The following ABCA6 variants were observed in gnomAD, a reference collection of about 807,000 sequenced individuals.
ABCA6 encodes ATP binding cassette subfamily A member 6, also known as ATP-binding cassette sub-family A member 6.
ABCA6 carries 164 observed loss-of-function variants against 191.2 expected under a neutral mutation model. The observed-to-expected ratio is 0.86, with a 90% CI of 0.76 to 0.98. The LOEUF (loss-of-function observed/expected upper bound fraction) is 0.98, where lower values mean the gene tolerates loss of function less well. ABCA6 is among the 50% of genes least tolerant of loss of function. The pLI is 0.00. For missense variants in ABCA6, 1,958 were observed against 1,894.1 expected, an observed-to-expected ratio of 1.03 and a Z score of -0.63; for synonymous variants, 636 against 647.7, an observed-to-expected ratio of 0.98 and a Z score of 0.27.
At chr17:69,139,884 G>A (rs1370294126) in intron 2 of ABCA6, among the ~76,000 whole-genome samples, 2 of 149,358 alleles carry the variant, frequency 1.3e-5, no homozygotes, top group Admixed American at 1.3e-4. Context: ...ACTCATAGAT[G>A]GCAATTGAAC....
Position 69,083,014 on chromosome 17 carries a change from C to T in ABCA6, c.4476-1G>A, listed in dbSNP as rs776952954. 4.3e-6 allele frequency: 7 copies of T among 1,613,916 alleles called. No individual in the cohort carries two copies. The highest frequency in any genetic ancestry group is 1.7e-4 in the Middle Eastern group (1 of 6,060). The stretch of plus-strand genomic sequence containing the variant: ...CAGGTGTTGGATGGAGCCAATGCAT[C>T]TATGGGCAAGAAAGAGAATATGTTG... On this transcript the variant is annotated splice_acceptor_variant, in intron 35 of 38. Transcript: ENST00000284425. LOFTEE classifies it high-confidence loss of function.
chr17:69,079,307 A>G, intron 37 of ABCA6, 42 bp from the exon 38 acceptor site: 1 of 1,476,300 alleles, frequency 6.8e-7, no homozygotes, highest in Non-Finnish European at 9.2e-7. Context: ...AGATGCTTAC[A>G]ATTTATTACC....
chr17:69,091,312 T>C (rs1370081054), intron 25 of ABCA6, 50 bp from the exon 26 acceptor site: 1 of 1,591,318 alleles, frequency 6.3e-7, no homozygotes, highest in Admixed American at 1.7e-5. Context: ...AACCCATTGA[T>C]ATTTTGTAAA....
Position 69,129,620 on chromosome 17 carries a change from C to T in ABCA6, c.923G>A (p.Gly308Asp). Residue 308 changes from glycine to aspartate, a missense_variant, in exon 7 of 39, where the codon GGC (glycine) becomes GAC (aspartate). Gly to Asp is a moderately conservative substitution (Grantham distance 94). Transcript: ENST00000284425. ...MVIFILFFLY[G>D]LSLVALVFLM... ...AATGTATCAACTTACCAAAGATAAG[C>T]CATATAAAAAAAAGAGTATAAATAT... is the stretch of plus-strand genomic sequence containing the variant. 3 of 1,590,798 alleles carry T rather than the reference C, an allele frequency of 1.9e-6. No homozygotes were observed. The highest frequency in any genetic ancestry group is 1.7e-4 in the Middle Eastern group (1 of 5,966).
chr17:69,113,277 T>C lies in ABCA6; in HGVS notation c.1986A>G (p.Ala662=). The C allele has an allele frequency of 1.2e-6, 2 of 1,601,076 alleles. No homozygotes were observed. The highest frequency in any genetic ancestry group is 1.7e-6 in the Non-Finnish European group (2 of 1,176,444). ...GGGTACTGAAAAGGATCACATGATC[T>C]GCTCTACGCTCTCTCAGGAGGCTCC... ...QVWSLLRERR[A]DHVILFSTQS... is the part of the protein sequence containing the mutation. The change falls in exon 15 of 39, where the codon GCA becomes GCG. Residue 662 remains alanine, a synonymous_variant. Transcript: ENST00000284425.
intron 25 of ABCA6, chr17:69,094,832 A>G (rs932793556): frequency 5.2e-5 from 8 of 154,314 alleles, no homozygotes; most frequent in African/African-American, 1.9e-4. Flanking sequence ...GGCAAAAGCC[A>G]CAAAAGGAAG....
chr17:69,135,791 G>A, intron 4 of ABCA6: 1 of 443,114 alleles, frequency 2.3e-6, no homozygotes, highest in Non-Finnish European at 4.0e-6. Context: ...ATTGTTCAAT[G>A]TCTGTCTTTG....
In ABCA6 at chr17:69,112,249, C is replaced by A; in HGVS notation, c.2066G>T (p.Gly689Val). 1 of 1,612,246 alleles carries A rather than the reference C, an allele frequency of 6.2e-7. No homozygotes were observed. The highest frequency in any genetic ancestry group is 8.5e-7 in the Non-Finnish European group (1 of 1,178,862). The change falls in exon 16 of 39, where the codon GGG (glycine) becomes GTG (valine). Residue 689 changes from glycine to valine, a missense_variant. Transcript: ENST00000284425. ...AGAAGAACCTGCACACTTCAGTCTC[C>A]CATTGGACATGATCACTTTTCTATC... is the stretch of plus-strand genomic sequence containing the variant. ...LADRKVIMSN[G>V]RLKCAGSSMF...
chr17:69,082,362 C>CACAG (rs1447375561), intron 36 of ABCA6, among the ~76,000 whole-genome samples: 5 of 138,398 alleles, frequency 3.6e-5, no homozygotes, highest in African/African-American at 1.4e-4. Context: ...CACACACACA[C>CACAG]AGATATGTGG....
At chr17:69,090,493 G>A (rs1311204471) in intron 26 of ABCA6, among the ~76,000 whole-genome samples, 1 of 152,136 alleles carries the variant, frequency 6.6e-6, no homozygotes, top group Non-Finnish European at 1.5e-5. Context: ...AACGTCCCCA[G>A]AAGAATTGTC....
rs1339460280 is a variant in ABCA6, at chr17:69,079,595, C to T, written c.4697-330G>A. Among the ~76,000 whole-genome samples the T allele has an allele frequency of 2.0e-5, 3 of 152,166 alleles. No homozygotes were observed. In the East Asian group the frequency reaches 5.8e-4, roughly 29 times the overall value. On this transcript the variant is annotated intron_variant, in intron 37 of 38. Coordinates refer to ENST00000284425, the MANE Select transcript of ABCA6 (RefSeq NM_080284.3). ...CACATGAGGAAGATCCTATCCCATC[C>T]TCTTTAAGAGAACTCAAAACTCCCT...
Position 69,115,510 on chromosome 17 carries a change from C to T in ABCA6, c.1496-24G>A, listed in dbSNP as rs760948304. 23 of 1,566,094 alleles carry T rather than the reference C, an allele frequency of 1.5e-5. No individual in the cohort carries two copies. The South Asian group carries it at 2.3e-4, about 15-fold the overall frequency. Reference sequence around the variant, plus strand: ...GCCTATTTTTAGAACAAATTGTTAACAAATTATTAACAGTATAAACAGAAA... The same window carrying T: ...GCCTATTTTTAGAACAAATTGTTAATAAATTATTAACAGTATAAACAGAAA... On this transcript the variant is annotated intron_variant, in intron 11 of 38. Transcript: ENST00000284425.
intron 2 of ABCA6, among the ~76,000 whole-genome samples, chr17:69,138,764 C>G (rs540929275): frequency 1.1e-4 from 17 of 149,426 alleles, no homozygotes; most frequent in African/African-American, 3.7e-4. Context: ...ATCAATGGAA[C>G]AGAACAGAGC....
chr17:69,097,904 C>T lies in ABCA6; in HGVS notation c.3120+16G>A, dbSNP rs1232447337. On this transcript the variant is annotated intron_variant, in intron 23 of 38. Coordinates refer to ENST00000284425, the MANE Select transcript of ABCA6 (RefSeq NM_080284.3). Reference sequence around the variant, plus strand: ...TGAAATTCCTGAAATTTCTTCTTTTCCCTGCTTTTTCTTACCTTGTAATCA... The same window carrying T: ...TGAAATTCCTGAAATTTCTTCTTTTTCCTGCTTTTTCTTACCTTGTAATCA... 1 of 1,547,358 alleles carries T rather than the reference C, an allele frequency of 6.5e-7. No homozygotes were observed.
At chr17:69,132,408 A>T (rs890332458) in intron 6 of ABCA6, among the ~76,000 whole-genome samples, 1 of 152,180 alleles carries the variant, frequency 6.6e-6, no homozygotes, top group African/African-American at 2.4e-5. Flanking sequence ...TATGATTTGC[A>T]TTCCTATCTG....
chr17:69,102,720 C>A, intron 21 of ABCA6, 115 bp downstream of exon 21: 5 of 953,754 alleles, frequency 5.2e-6, no homozygotes, highest in East Asian at 2.9e-5. Flanking sequence ...AAATAACAAC[C>A]CAGAATGTTT....
At chr17:69,136,933 T>C (rs2087682443) in intron 3 of ABCA6, among the ~76,000 whole-genome samples, 1 of 152,216 alleles carries the variant, frequency 6.6e-6, no homozygotes, top group Admixed American at 6.5e-5. Flanking sequence ...TTTTATTTAT[T>C]TAGATGTTTT....
chr17:69,136,314 A>G, intron 3 of ABCA6, 64 bp from the exon 4 acceptor site: 2 of 1,201,512 alleles, frequency 1.7e-6, no homozygotes, highest in South Asian at 2.1e-5. Context: ...ACATAATGTG[A>G]TATTCAACTG....
rs1422541005 is a variant in ABCA6 at position 69,113,297 on chromosome 17, G to A, written c.1966C>T (p.Leu656Phe). 5.6e-6 allele frequency: 9 copies of A among 1,598,498 alleles called. No individual in the cohort carries two copies. In the South Asian group the frequency reaches 1.0e-4, roughly 18 times the overall value. Reference protein sequence around the residue: ...DPFSRDQVWSLLRERRADHVI... With the variant: ...DPFSRDQVWSFLRERRADHVI... ...TGATCTGCTCTACGCTCTCTCAGGA[G>A]GCTCCACACTTGATCTCTGGAAAAG... Residue 656 changes from leucine (L) to phenylalanine (F), a missense_variant, in exon 15 of 39, where the codon CTC (leucine) becomes TTC (phenylalanine). Leu to Phe is a conservative substitution (Grantham distance 22, BLOSUM62 0). Coordinates refer to ENST00000284425, the MANE Select transcript of ABCA6 (RefSeq NM_080284.3).
Sources: gnomAD v4.1 joint callset for allele counts (sites outside exome capture counted in the v4.1 genomes callset) on GRCh38, gnomAD v4.1.1 for gene constraint, MANE v1.5 for transcripts, NCBI Gene and HGNC (gene_info 2026-07-23, HGNC 2026-07-21) for gene names.